Variants in ZFP82 observed in about 807,000 individuals in gnomAD.
The protein encoded by ZFP82 is zinc finger protein 82 homolog.
A neutral mutation model predicts 54.0 loss-of-function variants in ZFP82; 30 were observed. The ratio of observed to expected loss-of-function variants is 0.56; its 90% CI spans 0.42 to 0.75. ZFP82 has a LOEUF of 0.75. Ranked by LOEUF, ZFP82 falls within the 30% of genes least tolerant of loss-of-function variation. The pLI, the probability that ZFP82 is intolerant of heterozygous loss-of-function variation, is 0.00. For missense variants in ZFP82, 500 were observed against 636.8 expected (o/e 0.79, Z 2.31); for synonymous variants, 194 against 209.5 (o/e 0.93, Z 0.64).
intron 1 of ZFP82, among the ~76,000 whole-genome samples, chr19:36,414,707 A>G (rs763732418): frequency 7.9e-5 from 12 of 152,160 alleles, no homozygotes; most frequent in Non-Finnish European, 1.5e-4. Context: ...ATTCACAGAA[A>G]TCAAAAAGTA....
intron 4 of ZFP82, among the ~76,000 whole-genome samples, chr19:36,402,455 C>A (rs977958359): frequency 1.4e-5 from 1 of 69,130 alleles, no homozygotes; most frequent in Non-Finnish European, 2.8e-5. Context: ...GACAGAAGAG[C>A]GAGACTCCAT....
chr19:36,394,007 G>A lies in ZFP82; in HGVS notation c.333C>T (p.Gly111=), dbSNP rs745557666. ...CATTTTTTAAAATGAGACCCTTAAG[G>A]CCATGGTTTTCAATTCTTTCCATTA... The part of the protein sequence containing the change: ...WKIMERIENH[G]LKGLILKNDW... Residue 111 remains glycine, a synonymous_variant, in exon 5 of 5, where the codon GGC becomes GGT. Coordinates refer to ENST00000392161, the MANE Select transcript of ZFP82 (RefSeq NM_133466.4). The A allele has an allele frequency of 1.2e-6, 2 of 1,611,838 alleles. No homozygotes were observed. The highest frequency in any genetic ancestry group is 2.7e-5 in the African/African-American group (2 of 74,662).
intron 4 of ZFP82, chr19:36,394,385 T>G (rs2032261253): frequency 5.3e-6 from 2 of 378,862 alleles, no homozygotes; most frequent in South Asian, 2.9e-5. Flanking sequence ...TTACTAACAC[T>G]GAGGTTTAGA....
At chr19:36,388,367 T>C (rs2032139525), downstream of ZFP82, among the ~76,000 whole-genome samples, 1 of 152,164 alleles carries the variant, frequency 6.6e-6, no homozygotes, top group Admixed American at 6.5e-5. Flanking sequence ...TTATGGGTTA[T>C]ATATTCTTTA....
intron 4 of ZFP82, among the ~76,000 whole-genome samples, chr19:36,398,043 C>G (rs2032325897): frequency 6.6e-6 from 1 of 152,124 alleles, no homozygotes. Flanking sequence ...CTTTACAAAA[C>G]TTATTTAAGC....
rs140495874 is a variant in ZFP82, at chr19:36,417,072, CAAAAAAA to C, written c.-79+1413_-79+1419del. Among the ~76,000 whole-genome samples, 24 of 65,660 alleles carry C rather than the reference CAAAAAAA, an allele frequency of 3.7e-4. 1 individual carries two copies. Among genetic ancestry groups the C allele is most frequent in the South Asian group, 7.0e-4 (1 of 1,426 alleles). The allele number at this position is 65,660 out of a possible 152,430, so 43.1% of individuals were successfully genotyped here. A position where few individuals can be genotyped will look rare whatever the true frequency, so the allele number is the denominator to read the frequency against. ...TGGGTGACAGAGCAAGACCCTGTCT[CAAAAAAA>C]AAAAAAAAAAAAAAAAAAAAGAATT... is the stretch of plus-strand genomic sequence containing the variant. On this transcript the variant is annotated intron_variant, in intron 1 of 4. Transcript: ENST00000392161.
chr19:36,402,852 G>C (rs538152753), intron 4 of ZFP82, among the ~76,000 whole-genome samples: 17 of 151,046 alleles, frequency 1.1e-4, no homozygotes, highest in Admixed American at 9.9e-4. Context: ...AAATTAGCCA[G>C]GCATGGCCAG....
At chr19:36,395,488 GA>G (rs745686781) in intron 4 of ZFP82, 4 of 152,176 alleles carry the variant, frequency 2.6e-5, no homozygotes, top group Non-Finnish European at 5.9e-5. Flanking sequence ...CTGTAACTCA[GA>G]AATGTGGAAA....
intron 1 of ZFP82, among the ~76,000 whole-genome samples, chr19:36,410,744 G>A (rs973949430): frequency 2.0e-4 from 31 of 151,554 alleles, no homozygotes; most frequent in African/African-American, 7.3e-4. Flanking sequence ...TTCATGATCC[G>A]CCCGCCTCGG....
chr19:36,396,621 A>C (rs555859285), intron 4 of ZFP82, among the ~76,000 whole-genome samples: 55 of 152,092 alleles, frequency 3.6e-4, no homozygotes, highest in Non-Finnish European at 7.8e-4. Flanking sequence ...GCGCCACTGC[A>C]CTCCAGCCTG....
At chr19:36,397,736 C>T (rs547169478) in intron 4 of ZFP82, among the ~76,000 whole-genome samples, 52 of 151,896 alleles carry the variant, frequency 3.4e-4, no homozygotes, top group African/African-American at 1.0e-3. Flanking sequence ...TACAAGCACA[C>T]GCCACCACAC....
intron 1 of ZFP82, among the ~76,000 whole-genome samples, chr19:36,414,188 C>T (rs2032629185): frequency 6.6e-6 from 1 of 151,932 alleles, no homozygotes; most frequent in Non-Finnish European, 1.5e-5. Context: ...GCGTTAGCCA[C>T]CACACTGGCT....
Position 36,408,163 on chromosome 19 carries a change from A to G in ZFP82, c.10-150T>C, listed in dbSNP as rs1042546047. 1.2e-4 allele frequency: 95 copies of G among 823,926 alleles called. 1 individual carries two copies. In the African/African-American group the frequency reaches 1.5e-3, roughly 13 times the overall value. 51.0% of individuals were successfully genotyped at this position (823,926 alleles called of 1,614,324 possible). Reference sequence around the variant, plus strand: ...AAGCCTGCAACACAGCGAGTCAGGAAATGAGTGTGCCTGAAGCAAAGTGCC... The same window carrying G: ...AAGCCTGCAACACAGCGAGTCAGGAGATGAGTGTGCCTGAAGCAAAGTGCC... On this transcript the variant is annotated intron_variant, in intron 2 of 4. Transcript: ENST00000392161.
At position 36,407,924 on chromosome 19, in the gene ZFP82, A is replaced by C; in HGVS notation, c.99T>G (p.Asp33Glu). Reference protein sequence around the residue: ...LDLEQKDLYRDVMLENYSNLV... With the variant: ...LDLEQKDLYREVMLENYSNLV... ...AGTTGCTGTAGTTCTCCAACATGACATCTCTGTACAAGTCCTTTTGTTCCA... is the reference window on the plus strand; with the variant it reads ...AGTTGCTGTAGTTCTCCAACATGACCTCTCTGTACAAGTCCTTTTGTTCCA... Residue 33 changes from aspartate to glutamate, a missense_variant, in exon 3 of 5, where the codon GAT (aspartate) becomes GAG (glutamate). By Grantham distance (45) the Asp-to-Glu change is conservative. Transcript: ENST00000392161. The C allele has an allele frequency of 2.5e-6, 4 of 1,614,068 alleles. No homozygotes were observed. The highest frequency in any genetic ancestry group is 3.4e-6 in the Non-Finnish European group (4 of 1,179,946).
chr19:36,409,334 A>T (rs1399917685), intron 2 of ZFP82, among the ~76,000 whole-genome samples: 2 of 151,860 alleles, frequency 1.3e-5, no homozygotes, highest in Non-Finnish European at 2.9e-5. Context: ...TGGCACATCC[A>T]TAGCTTCATT....
intron 1 of ZFP82, among the ~76,000 whole-genome samples, chr19:36,417,067 T>C (rs2032684848): frequency 1.3e-5 from 1 of 75,288 alleles, no homozygotes; most frequent in Non-Finnish European, 2.3e-5. Flanking sequence ...AGCAAGACCC[T>C]GTCTCAAAAA....
At chr19:36,398,311 G>A (rs2032329728) in intron 4 of ZFP82, among the ~76,000 whole-genome samples, 1 of 152,194 alleles carries the variant, frequency 6.6e-6, no homozygotes, top group African/African-American at 2.4e-5. Flanking sequence ...GGCCAAGGTA[G>A]GTGGATCACG....
chr19:36,407,961 T>A lies in ZFP82; in HGVS notation c.62A>T (p.Glu21Val), dbSNP rs562198560. ...GTCCTTTTGTTCCAAGTCCAGGTAT[T>A]CCCACTCTTCTGGAGAGAAGTCTAT... ...VSIDFSPEEW[E>V]YLDLEQKDLY... The change falls in exon 3 of 5, where the codon GAA becomes GTA. Residue 21 changes from glutamate to valine, a missense_variant. Physicochemically the swap from Glu to Val is moderately radical, Grantham distance 121. Transcript: ENST00000392161. The A allele has an allele frequency of 6.2e-7, 1 of 1,614,108 alleles. No individual in the cohort carries two copies. Among genetic ancestry groups the A allele is most frequent in the Admixed American group, 1.7e-5 (1 of 60,016 alleles).
chr19:36,411,503 C>T (rs543996047), intron 1 of ZFP82, among the ~76,000 whole-genome samples: 175 of 152,210 alleles, frequency 1.1e-3, no homozygotes, highest in Non-Finnish European at 2.1e-3. Context: ...TATGTACAAG[C>T]AGCATTTAAA....
Sources: allele counts gnomAD v4.1 joint callset (sites outside exome capture counted in the v4.1 genomes callset), GRCh38; gene constraint gnomAD v4.1.1; transcripts MANE v1.5; gene names NCBI Gene and HGNC (gene_info 2026-07-23, HGNC 2026-07-21).